Variants in ABHD12 observed in about 807,000 individuals in gnomAD.
ABHD12 encodes lysophosphatidylserine lipase ABHD12.
In ABHD12, 43 loss-of-function variants were observed where a neutral mutation model predicts 58.3. The ratio of observed to expected loss-of-function variants is 0.74; its 90% CI spans 0.58 to 0.95. The LOEUF (loss-of-function observed/expected upper bound fraction) is 0.95, where lower values mean the gene tolerates loss of function less well. ABHD12 is among the 40% of genes least tolerant of loss of function. The pLI, the probability that ABHD12 is intolerant of heterozygous loss-of-function variation, is 0.00. For synonymous variants in ABHD12, 219 were observed against 211.2 expected (o/e 1.04, Z -0.32); for missense variants, 539 against 537.2 (o/e 1.00, Z -0.03).
intron 1 of ABHD12, among the ~76,000 whole-genome samples, chr20:25,343,547 G>A: frequency 6.6e-6 from 1 of 152,182 alleles, no homozygotes; most frequent in Non-Finnish European, 1.5e-5. Flanking sequence ...GCTCACGCCT[G>A]TAATTCCAGC....
rs1423226948 is a variant in ABHD12, at chr20:25,390,539, G to A, written c.165C>T (p.Asp55=). The change falls in exon 1 of 13, where the codon GAC becomes GAT. Residue 55 remains aspartate, a synonymous_variant. Transcript: ENST00000339157. The part of the protein sequence containing the change: ...PAAAEPRCAA[D]AGMKRALGRR... Reference sequence around the variant, plus strand: ...TGCCCAGCGCCCGCTTCATTCCCGCGTCGGCTGCGCAGCGCGGCTCAGCCG... The same window carrying A: ...TGCCCAGCGCCCGCTTCATTCCCGCATCGGCTGCGCAGCGCGGCTCAGCCG... The A allele has an allele frequency of 4.9e-6, 7 of 1,442,208 alleles. No homozygotes were observed. In the Admixed American group the frequency reaches 1.5e-4, roughly 30 times the overall value. The allele number at this position is 1,442,208 out of a possible 1,614,324, so 89.3% of individuals were successfully genotyped here. A position where few individuals can be genotyped will look rare whatever the true frequency, so the allele number is the denominator to read the frequency against.
chr20:25,322,381 A>ATATATATATATTTTTTTTT, intron 3 of ABHD12, among the ~76,000 whole-genome samples: 48 of 59,248 alleles, frequency 8.1e-4, no homozygotes, highest in Admixed American at 1.3e-3. Context: ...ATATATATAT[A>ATATATATATATTTTTTTTT]TTTTTTTTTT....
chr20:25,338,659 A>C (rs2089412003), intron 2 of ABHD12, among the ~76,000 whole-genome samples: 1 of 152,380 alleles, frequency 6.6e-6, no homozygotes, highest in Non-Finnish European at 1.5e-5. Context: ...AGGCCAGCAC[A>C]AAATTCCACA....
intron 2 of ABHD12, 124 bp downstream of exon 2, chr20:25,339,103 T>C (rs2089419455): frequency 1.4e-6 from 2 of 1,477,582 alleles, no homozygotes; most frequent in South Asian, 2.4e-5. Context: ...ACTTAAGATA[T>C]GTACCCTTCA....
chr20:25,357,988 G>A (rs1021671275), intron 1 of ABHD12, among the ~76,000 whole-genome samples: 4 of 152,130 alleles, frequency 2.6e-5, no homozygotes, highest in Admixed American at 1.3e-4. Context: ...TCCAGCCTGG[G>A]TGACAGAGTG....
At chr20:25,385,992 T>G (rs1373607441) in intron 1 of ABHD12, among the ~76,000 whole-genome samples, 2 of 151,566 alleles carry the variant, frequency 1.3e-5, no homozygotes, top group Non-Finnish European at 2.9e-5. Context: ...TCCCAGCTAC[T>G]TGGGAGGCTG....
Position 25,306,820 on chromosome 20 carries a change from C to T in ABHD12, c.950+13G>A, listed in dbSNP as rs1342867244. 4 of 1,582,406 alleles carry T rather than the reference C, an allele frequency of 2.5e-6. No individual in the cohort carries two copies. Among genetic ancestry groups the T allele is most frequent in the Non-Finnish European group, 3.5e-6 (4 of 1,152,430 alleles). On this transcript the variant is annotated intron_variant, in intron 10 of 12. Transcript: ENST00000339157. ...CTAAATAGGAAAATTAGTTCCTGTC[C>T]CATAATACTCACTTTTCATCATTTG...
downstream of ABHD12, chr20:25,298,162 G>T (rs1441862338): frequency 6.6e-6 from 1 of 152,256 alleles, no homozygotes; most frequent in Non-Finnish European, 1.5e-5. Flanking sequence ...TCTGAAACTA[G>T]AGCCGGGGCT....
At position 25,320,682 on chromosome 20, in the gene ABHD12, C is replaced by T. The variant is rs76758350; in HGVS notation, c.423-364G>A. ...TAGCATTTTCCTCATACGTGCCCCA[C>T]ATCCCAGTTAACCCCATGCTTAAAT... is the stretch of plus-strand genomic sequence containing the variant. On this transcript the variant is annotated intron_variant, in intron 3 of 12. Coordinates refer to ENST00000339157, the MANE Select transcript of ABHD12 (RefSeq NM_001042472.3). Among the ~76,000 whole-genome samples the T allele has an allele frequency of 1.4e-3, 217 of 152,378 alleles. 1 individual carries two copies. The highest frequency in any genetic ancestry group is 2.6e-3 in the Non-Finnish European group (175 of 68,032).
chr20:25,380,941 C>G (rs1240516884), intron 1 of ABHD12, among the ~76,000 whole-genome samples: 1 of 152,218 alleles, frequency 6.6e-6, no homozygotes, highest in Non-Finnish European at 1.5e-5. Context: ...CTGTCCCCAT[C>G]TCAGTATCTG....
In ABHD12 at chr20:25,300,478, G is replaced by T. The variant is rs2088614796; in HGVS notation, c.*367C>A. 8.0e-7 allele frequency: 1 copy of T among 1,244,404 alleles called. No individual in the cohort carries two copies. Among genetic ancestry groups the T allele is most frequent in the Non-Finnish European group, 1.0e-6 (1 of 980,472 alleles). 77.1% of individuals were successfully genotyped at this position (1,244,404 alleles called of 1,614,324 possible). A position where few individuals can be genotyped will look rare whatever the true frequency, so the allele number is the denominator to read the frequency against. ...CGTTCTCTGTGGGTGGTGCCAAAAA[G>T]CTCAGCATGGTCCCGAGCCCCAAGA... On this transcript the variant is annotated 3_prime_UTR_variant, in exon 13 of 13. Coordinates refer to ENST00000339157, the MANE Select transcript of ABHD12 (RefSeq NM_001042472.3).
At chr20:25,319,366 C>T (rs933738500) in intron 4 of ABHD12, among the ~76,000 whole-genome samples, 3 of 152,234 alleles carry the variant, frequency 2.0e-5, no homozygotes, top group African/African-American at 4.8e-5. Context: ...CTGGGCAGGG[C>T]TGATTAACCA....
At chr20:25,387,583 T>C (rs1331976484) in intron 1 of ABHD12, among the ~76,000 whole-genome samples, 4 of 25,664 alleles carry the variant, frequency 1.6e-4, no homozygotes, top group East Asian at 2.7e-4. Flanking sequence ...TGAGACTTCA[T>C]CTCTATTAAA....
chr20:25,331,429 C>T (rs1251005600), intron 2 of ABHD12, among the ~76,000 whole-genome samples: 1 of 152,106 alleles, frequency 6.6e-6, no homozygotes, highest in South Asian at 2.1e-4. Flanking sequence ...GGCAGGCCAA[C>T]ATTCAGATTC....
At chr20:25,381,708 G>A (rs1018994265) in intron 1 of ABHD12, among the ~76,000 whole-genome samples, 22 of 150,814 alleles carry the variant, frequency 1.5e-4, no homozygotes, top group African/African-American at 4.6e-4. Flanking sequence ...GTGCAATCTC[G>A]GCTCACTGCA....
chr20:25,308,317 G>A (rs1246325222), intron 8 of ABHD12, 140 bp downstream of exon 8: 15 of 1,059,302 alleles, frequency 1.4e-5, no homozygotes, highest in Non-Finnish European at 2.1e-5. Flanking sequence ...ATCATGGGAA[G>A]GGTGGCTGGT....
chr20:25,295,106 GAA>G (rs1182558322), intron 12 of ABHD12: 45 of 1,422,494 alleles, frequency 3.2e-5, no homozygotes, highest in Non-Finnish European at 4.5e-5. Flanking sequence ...ATAGTGAACA[GAA>G]ATGCATTTGT....
At chr20:25,366,994 C>G (rs1402008550) in intron 1 of ABHD12, among the ~76,000 whole-genome samples, 1 of 152,076 alleles carries the variant, frequency 6.6e-6, no homozygotes. Context: ...GGTACGAGAT[C>G]TCTGTATATT....
intron 2 of ABHD12, among the ~76,000 whole-genome samples, chr20:25,337,406 T>C (rs892525755): frequency 4.6e-5 from 7 of 152,318 alleles, no homozygotes; most frequent in African/African-American, 1.7e-4. Flanking sequence ...AGCCCTCCTC[T>C]CCCATGCCAT....
Sources: gnomAD v4.1 joint callset for allele counts (sites outside exome capture counted in the v4.1 genomes callset) on GRCh38, gnomAD v4.1.1 for gene constraint, MANE v1.5 for transcripts, NCBI Gene and HGNC (gene_info 2026-07-23, HGNC 2026-07-21) for gene names.